The following GRIP1 variants were observed in gnomAD, a reference collection of about 807,000 sequenced individuals.
GRIP1 encodes the protein glutamate receptor-interacting protein 1.
A neutral mutation model predicts 129.9 loss-of-function variants in GRIP1; 45 were observed. The ratio of observed to expected loss-of-function variants is 0.35; its 90% CI spans 0.27 to 0.44. The LOEUF is 0.44. Among genes scored for constraint, GRIP1 ranks in the 20% least tolerant of loss-of-function variants. GRIP1 has a pLI of 1.00. For missense variants in GRIP1, 1,196 were observed against 1,396.8 expected, an observed-to-expected ratio of 0.86 and a Z score of 2.29; for synonymous variants, 530 against 520.8, an observed-to-expected ratio of 1.02 and a Z score of -0.24.
chr12:66,375,383 T>G (rs2055737495), intron 22 of GRIP1, among the ~76,000 whole-genome samples: 1 of 152,208 alleles, frequency 6.6e-6, no homozygotes, highest in Admixed American at 6.5e-5. Context: ...TTAGCTAACC[T>G]TCTACATTTA....
Position 66,348,296 on chromosome 12 carries a change from C to T in GRIP1, c.*723G>A, listed in dbSNP as rs1482267957. 3.3e-5 allele frequency: 5 copies of T among 151,916 alleles called. No homozygotes were observed. Among genetic ancestry groups the T allele is most frequent in the Non-Finnish European group, 7.4e-5 (5 of 68,022 alleles). 9.4% of individuals were successfully genotyped at this position (151,916 alleles called of 1,614,324 possible). A position where few individuals can be genotyped will look rare whatever the true frequency, so the allele number is the denominator to read the frequency against. Reference sequence around the variant, plus strand: ...CTAATTCTCATGTTTACTACACACTCTAATTCATTATCAGAGATTTTCAGC... The same window carrying T: ...CTAATTCTCATGTTTACTACACACTTTAATTCATTATCAGAGATTTTCAGC... On this transcript the variant is annotated 3_prime_UTR_variant, in exon 25 of 25. Coordinates refer to ENST00000359742, the MANE Select transcript of GRIP1 (RefSeq NM_001366722.1).
At chr12:66,688,479 G>A (rs1342233854) in intron 1 of GRIP1, among the ~76,000 whole-genome samples, 1 of 152,072 alleles carries the variant, frequency 6.6e-6, no homozygotes, top group Admixed American at 6.5e-5. Context: ...AGGCTCCAGA[G>A]TCCATTCCAT....
At chr12:66,731,217 A>T (rs2036426472) in intron 1 of GRIP1, among the ~76,000 whole-genome samples, 1 of 152,228 alleles carries the variant, frequency 6.6e-6, no homozygotes, top group Admixed American at 6.5e-5. Context: ...AGAATGAAAT[A>T]AAAAAGAAAA....
intron 1 of GRIP1, among the ~76,000 whole-genome samples, chr12:67,038,218 G>C (rs1445404928): frequency 6.6e-6 from 1 of 152,200 alleles, no homozygotes; most frequent in Admixed American, 6.5e-5. Context: ...GGAAGAAATT[G>C]AGCAGAAACA....
chr12:66,846,786 A>G (rs891449566), intron 1 of GRIP1, among the ~76,000 whole-genome samples: 2 of 152,186 alleles, frequency 1.3e-5, no homozygotes, highest in African/African-American at 4.8e-5. Context: ...GTCACACCAC[A>G]GGGGGCCATG....
At chr12:66,568,698 T>G (rs2062852659) in intron 2 of GRIP1, 3 of 232,022 alleles carry the variant, frequency 1.3e-5, no homozygotes, top group Non-Finnish European at 2.6e-5. Context: ...TCATCTTCAC[T>G]GCTGGAATAA....
At chr12:66,744,484 T>A (rs1256654943) in intron 1 of GRIP1, among the ~76,000 whole-genome samples, 3 of 152,208 alleles carry the variant, frequency 2.0e-5, no homozygotes, top group Non-Finnish European at 4.4e-5. Flanking sequence ...AGATTCCTGC[T>A]GCCTGGTCTG....
intron 1 of GRIP1, among the ~76,000 whole-genome samples, chr12:66,854,567 C>G (rs1566052349): frequency 1.3e-5 from 2 of 151,954 alleles, no homozygotes; most frequent in African/African-American, 4.8e-5. Context: ...TCACAATAAT[C>G]TTAGACTTCA....
chr12:66,999,027 A>G (rs551759414), intron 1 of GRIP1, among the ~76,000 whole-genome samples: 118 of 152,166 alleles, frequency 7.8e-4, no homozygotes, highest in African/African-American at 2.6e-3. Context: ...TGACCACCCC[A>G]TCAAAAGCTG....
chr12:67,029,077 T>C (rs960217867), intron 1 of GRIP1, among the ~76,000 whole-genome samples: 11 of 152,120 alleles, frequency 7.2e-5, no homozygotes, highest in African/African-American at 2.2e-4. Context: ...AAGACCAGCC[T>C]GGGCAAAATA....
chr12:66,416,887 G>T (rs1445865310), intron 15 of GRIP1, among the ~76,000 whole-genome samples: 1 of 151,752 alleles, frequency 6.6e-6, no homozygotes, highest in Non-Finnish European at 1.5e-5. Context: ...AGGAGGGAAT[G>T]ATTCCAAACT....
intron 7 of GRIP1, among the ~76,000 whole-genome samples, chr12:66,478,538 A>G (rs1356802417): frequency 6.6e-6 from 1 of 152,178 alleles, no homozygotes; most frequent in East Asian, 1.9e-4. Flanking sequence ...ATATATACCC[A>G]AAGGATTATA....
chr12:67,056,945 G>C (rs1448464676), intron 1 of GRIP1, among the ~76,000 whole-genome samples: 2 of 152,060 alleles, frequency 1.3e-5, no homozygotes, highest in Non-Finnish European at 2.9e-5. Context: ...CAAGTAGCTG[G>C]TATTACAGGT....
chr12:66,701,112 C>T (rs1352892880), intron 1 of GRIP1, among the ~76,000 whole-genome samples: 2 of 152,110 alleles, frequency 1.3e-5, no homozygotes, highest in Non-Finnish European at 2.9e-5. Flanking sequence ...ACTCCAAAAC[C>T]CGTGCAACTA....
rs142653950 is a variant in GRIP1, at chr12:66,498,691, C to T, written c.724+16928G>A. ...TTTGACTTTGACACTTATAAACTGT[C>T]ATACAGGCAAAAAAAAAATGTATTT... On this transcript the variant is annotated intron_variant, in intron 7 of 24. Coordinates refer to ENST00000359742, the MANE Select transcript of GRIP1 (RefSeq NM_001366722.1). Among the ~76,000 whole-genome samples, 43 of 150,276 alleles carry T rather than the reference C, an allele frequency of 2.9e-4. No individual in the cohort carries two copies. The East Asian group carries it at 8.6e-3, about 30-fold the overall frequency.
chr12:66,674,546 G>C (rs2034233425), intron 1 of GRIP1, among the ~76,000 whole-genome samples: 1 of 152,168 alleles, frequency 6.6e-6, no homozygotes, highest in South Asian at 2.1e-4. Flanking sequence ...AAGGGATTTA[G>C]ACGTCACCTG....
At chr12:66,871,659 T>C (rs1440574409) in intron 1 of GRIP1, among the ~76,000 whole-genome samples, 1 of 152,110 alleles carries the variant, frequency 6.6e-6, no homozygotes, top group Non-Finnish European at 1.5e-5. Flanking sequence ...CAGGAACTGA[T>C]GGGCAGTGGA....
At chr12:66,885,922 G>C (rs1044998333) in intron 1 of GRIP1, among the ~76,000 whole-genome samples, 5 of 152,158 alleles carry the variant, frequency 3.3e-5, no homozygotes, top group Admixed American at 3.3e-4. Flanking sequence ...GCTATCATAT[G>C]TGACTCTAAG....
At chr12:66,828,453 C>T (rs907549971) in intron 1 of GRIP1, among the ~76,000 whole-genome samples, 10 of 152,128 alleles carry the variant, frequency 6.6e-5, no homozygotes, top group Non-Finnish European at 1.2e-4. Context: ...GTATTATGAA[C>T]CAACAGCTCA....
Sources: allele counts gnomAD v4.1 joint callset (sites outside exome capture counted in the v4.1 genomes callset), GRCh38; gene constraint gnomAD v4.1.1; transcripts MANE v1.5; gene names NCBI Gene and HGNC (gene_info 2026-07-23, HGNC 2026-07-21).